The following SP110 variants were observed in gnomAD, a reference collection of about 807,000 sequenced individuals.
The protein encoded by SP110 is SP110 nuclear body protein.
SP110 carries 62 observed loss-of-function variants against 92.7 expected under a neutral mutation model. The ratio of observed to expected loss-of-function variants is 0.67; its 90% CI spans 0.55 to 0.83. The LOEUF (loss-of-function observed/expected upper bound fraction) is 0.83. SP110 is among the 40% of genes least tolerant of loss of function. The pLI, the probability that SP110 is intolerant of heterozygous loss-of-function variation, is 0.00. For synonymous variants in SP110, 273 were observed against 305.3 expected, an observed-to-expected ratio of 0.89 and a Z score of 1.10; for missense variants, 793 against 863.9, an observed-to-expected ratio of 0.92 and a Z score of 1.03.
At chr2:230,194,013 T>C (rs2042751863) in intron 10 of SP110, among the ~76,000 whole-genome samples, 1 of 152,142 alleles carries the variant, frequency 6.6e-6, no homozygotes, top group Non-Finnish European at 1.5e-5. Context: ...GTATGTTTCC[T>C]CCAGCCTAGG....
At chr2:230,192,262 ATAG>A (rs1320704182) in intron 10 of SP110, among the ~76,000 whole-genome samples, 2 of 152,192 alleles carry the variant, frequency 1.3e-5, no homozygotes, top group Admixed American at 1.3e-4. Context: ...CCTATTCAAC[ATAG>A]TATTAGAAGT....
chr2:230,172,283 T>C (rs1218013093), intron 15 of SP110, 109 bp from the exon 16 acceptor site: 1 of 792,890 alleles, frequency 1.3e-6, no homozygotes, highest in Non-Finnish European at 2.3e-6. Flanking sequence ...GCCATGAGGG[T>C]GGGACACCTC....
At chr2:230,182,889 T>A (rs1043243840) in intron 12 of SP110, among the ~76,000 whole-genome samples, 4 of 152,218 alleles carry the variant, frequency 2.6e-5, no homozygotes, top group Non-Finnish European at 2.9e-5. Flanking sequence ...ATGAAAACAG[T>A]GTGCTTAGCG....
upstream of SP110, among the ~76,000 whole-genome samples, chr2:230,223,146 C>T (rs1365111329): frequency 1.3e-5 from 2 of 151,850 alleles, no homozygotes; most frequent in Non-Finnish European, 2.9e-5. Context: ...AAGTGATTCT[C>T]TTTCCTCAGC....
chr2:230,171,554 C>T, intron 17 of SP110, 142 bp downstream of exon 17: 2 of 726,710 alleles, frequency 2.8e-6, no homozygotes, highest in Non-Finnish European at 5.1e-6. Context: ...GCAGCAAAAT[C>T]CCTGCTGCCC....
upstream of SP110, among the ~76,000 whole-genome samples, chr2:230,222,224 C>T (rs888623655): frequency 1.6e-4 from 23 of 144,062 alleles, no homozygotes; most frequent in African/African-American, 4.4e-4. Context: ...AGTGAGATCC[C>T]GCCTCAAAAA....
chr2:230,200,933 CTTCA>C lies in SP110; in HGVS notation c.1077_1080del (p.Asn359LysfsTer36). The C allele has an allele frequency of 6.2e-7, 1 of 1,613,924 alleles. No homozygotes were observed. Among genetic ancestry groups the C allele is most frequent in the Non-Finnish European group, 8.5e-7 (1 of 1,179,800 alleles). On this transcript the variant is annotated frameshift_variant, in exon 10 of 19. Coordinates refer to ENST00000258381, the MANE Select transcript of SP110 (RefSeq NM_080424.4). LOFTEE classifies it high-confidence loss of function. ...CTAGGCGTCTTCTGGGACCTCTTTC[CTTCA>C]TTCATTTCTGAAGTGCCATCAATGA...
intron 10 of SP110, among the ~76,000 whole-genome samples, chr2:230,194,433 A>G (rs1176380305): frequency 6.6e-6 from 1 of 152,030 alleles, no homozygotes; most frequent in East Asian, 1.9e-4. Context: ...GACCTGGTCT[A>G]TACAAAAAAT....
rs935633192 is a variant in SP110 at position 230,166,128 on chromosome 2, G to A, written c.*2996C>T. Among the ~76,000 whole-genome samples the A allele has an allele frequency of 2.4e-4, 37 of 152,070 alleles. No homozygotes were observed. Among genetic ancestry groups the A allele is most frequent in the Non-Finnish European group, 4.4e-4 (30 of 68,018 alleles). On this transcript the variant is annotated 3_prime_UTR_variant, in exon 19 of 19. Transcript: ENST00000258381. The stretch of plus-strand genomic sequence containing the variant: ...AGGCTGGTCTCGATCTCTTGACCTC[G>A]CGATCCACTCGCCTCAGCCTCCCAA...
Position 230,212,747 on chromosome 2 carries a change from G to C in SP110, c.583+14C>G. The C allele has an allele frequency of 5.0e-6, 8 of 1,613,844 alleles. No individual in the cohort carries two copies. Among genetic ancestry groups the C allele is most frequent in the Non-Finnish European group, 6.8e-6 (8 of 1,179,950 alleles). On this transcript the variant is annotated intron_variant, in intron 4 of 18. Transcript: ENST00000258381. ...CTGAGGATATACAGGTGTTGGATGG[G>C]ATCTGTTTCTCACCTGAAGTGCTTC...
chr2:230,178,175 T>G lies in SP110; in HGVS notation c.1429A>C (p.Lys477Gln). Residue 477 changes from lysine to glutamine, a missense_variant, in exon 13 of 19, where the codon AAG (lysine) becomes CAG (glutamine). By Grantham distance (53) the Lys-to-Gln change is moderately conservative (BLOSUM62 1). Transcript: ENST00000258381. ...AACTCACCGTGTTTCATTTTCTTCT[T>G]ATATAAAATCCCTTTCGCCTCACCA... ...TCGEAKGILY[K>Q]KKMKHGSSVK... 6.2e-7 allele frequency: 1 copy of G among 1,609,282 alleles called. No homozygotes were observed. Among genetic ancestry groups the G allele is most frequent in the Non-Finnish European group, 8.5e-7 (1 of 1,175,694 alleles).
intron 12 of SP110, among the ~76,000 whole-genome samples, chr2:230,179,504 T>TGGGGGG (rs2042031142): frequency 1.2e-5 from 1 of 80,804 alleles, no homozygotes; most frequent in Non-Finnish European, 2.6e-5. Flanking sequence ...GGAGTGGGGG[T>TGGGGGG]GGGAGGGGCT....
rs1051278341 is a variant in SP110, at chr2:230,166,668, G to C, written c.*2456C>G. ...ATAGTGATCTGAGTGTTAAAATTCT[G>C]TTAACTTTTATTGTTGTACCTGGGG... On this transcript the variant is annotated 3_prime_UTR_variant, in exon 19 of 19. Coordinates refer to ENST00000258381, the MANE Select transcript of SP110 (RefSeq NM_080424.4). Among the ~76,000 whole-genome samples the C allele has an allele frequency of 2.0e-5, 3 of 152,138 alleles. No individual in the cohort carries two copies. The highest frequency in any genetic ancestry group is 4.4e-5 in the Non-Finnish European group (3 of 68,028).
At chr2:230,178,852 A>T (rs1320262019) in intron 12 of SP110, among the ~76,000 whole-genome samples, 1 of 152,196 alleles carries the variant, frequency 6.6e-6, no homozygotes, top group Non-Finnish European at 1.5e-5. Context: ...CTGGGTAGAA[A>T]TCCAGAGTTT....
Position 230,169,032 on chromosome 2 carries a change from A to G in SP110, c.*92T>C. 1 of 858,798 alleles carries G rather than the reference A, an allele frequency of 1.2e-6. No individual in the cohort carries two copies. The highest frequency in any genetic ancestry group is 1.3e-5 in the South Asian group (1 of 75,738). The allele number at this position is 858,798 out of a possible 1,614,324, so 53.2% of individuals were successfully genotyped here. A position where few individuals can be genotyped will look rare whatever the true frequency, so the allele number is the denominator to read the frequency against. On this transcript the variant is annotated 3_prime_UTR_variant, in exon 19 of 19. Transcript: ENST00000258381. Reference sequence around the variant, plus strand: ...GTTTGGGTCCTGAGGGCAGCCAATTACATCCCAGACTCACTGGCAATCAAC... The same window carrying G: ...GTTTGGGTCCTGAGGGCAGCCAATTGCATCCCAGACTCACTGGCAATCAAC...
At chr2:230,216,478 G>A (rs1167428997) in intron 2 of SP110, among the ~76,000 whole-genome samples, 1 of 152,154 alleles carries the variant, frequency 6.6e-6, no homozygotes, top group Non-Finnish European at 1.5e-5. Flanking sequence ...CCTCTAGAAG[G>A]AACCAACCCT....
chr2:230,217,199 T>C (rs1259383707), intron 1 of SP110, among the ~76,000 whole-genome samples: 2 of 142,968 alleles, frequency 1.4e-5, no homozygotes, highest in South Asian at 2.2e-4. Flanking sequence ...TAAGCCAAGA[T>C]TGTGCCACTG....
At chr2:230,176,926 C>T (rs559845650) in intron 14 of SP110, among the ~76,000 whole-genome samples, 1 of 152,290 alleles carries the variant, frequency 6.6e-6, no homozygotes, top group African/African-American at 2.4e-5. Flanking sequence ...CACTTTTTCC[C>T]CTGTCACTCA....
At chr2:230,184,989 C>T (rs115513089) in intron 11 of SP110, among the ~76,000 whole-genome samples, 114 of 152,308 alleles carry the variant, frequency 7.5e-4, no homozygotes, top group Middle Eastern at 3.4e-3. Context: ...GCTGCTGTCA[C>T]GCTACAAAGG....
Sources: allele counts gnomAD v4.1 joint callset (sites outside exome capture counted in the v4.1 genomes callset), GRCh38; gene constraint gnomAD v4.1.1; transcripts MANE v1.5; gene names NCBI Gene and HGNC (gene_info 2026-07-23, HGNC 2026-07-21).